The following KCNQ5 variants were observed in gnomAD, a reference collection of about 807,000 sequenced individuals.
The protein encoded by KCNQ5 is potassium voltage-gated channel subfamily KQT member 5.
KCNQ5 carries 30 observed loss-of-function variants against 98.2 expected under a neutral mutation model. The observed-to-expected ratio is 0.31, with a 90% confidence interval of 0.23 to 0.41. KCNQ5 has a LOEUF of 0.41. KCNQ5 is among the 10% of genes least tolerant of loss of function. KCNQ5 has a pLI of 1.00. For synonymous variants in KCNQ5, 458 were observed against 449.4 expected (o/e 1.02, Z -0.24); for missense variants, 835 against 1,182.5 (o/e 0.71, Z 4.31).
intron 1 of KCNQ5, among the ~76,000 whole-genome samples, chr6:72,897,536 C>CCT (rs1178527528): frequency 3.3e-5 from 5 of 151,966 alleles, no homozygotes; most frequent in African/African-American, 1.2e-4. Context: ...AGTCAGACTC[C>CCT]CTCTCAAGAA....
chr6:72,737,187 C>G (rs554306701), intron 1 of KCNQ5, among the ~76,000 whole-genome samples: 1 of 152,258 alleles, frequency 6.6e-6, no homozygotes, highest in South Asian at 2.1e-4. Flanking sequence ...TTTGAACTCC[C>G]GGCCTCAAGT....
At chr6:73,154,502 G>A (rs1353845585) in intron 10 of KCNQ5, among the ~76,000 whole-genome samples, 1 of 152,060 alleles carries the variant, frequency 6.6e-6, no homozygotes, top group African/African-American at 2.4e-5. Flanking sequence ...AACTAAGTCT[G>A]GATTGCCTTC....
chr6:72,972,457 T>C (rs1158966920), intron 1 of KCNQ5, among the ~76,000 whole-genome samples: 1 of 152,128 alleles, frequency 6.6e-6, no homozygotes. Flanking sequence ...GGTGGTTTGC[T>C]GCATCTATTG....
chr6:72,841,932 A>G (rs956035678), intron 1 of KCNQ5, among the ~76,000 whole-genome samples: 1 of 152,208 alleles, frequency 6.6e-6, no homozygotes, highest in Non-Finnish European at 1.5e-5. Flanking sequence ...TTAGAAGACT[A>G]TGAATCTTGG....
At position 72,687,465 on chromosome 6, in the gene KCNQ5, G is replaced by A. The variant is rs916360382; in HGVS notation, c.398+64878G>A. Among the ~76,000 whole-genome samples, 18 of 152,292 alleles carry A rather than the reference G, an allele frequency of 1.2e-4. No homozygotes were observed. In the East Asian group the frequency reaches 3.3e-3, roughly 28 times the overall value. ...GAGAACCGTAGGCCCTGCCTTCAAG[G>A]AGCACATGGCTAGTGGAAACAGACA... On this transcript the variant is annotated intron_variant, in intron 1 of 13. Coordinates refer to ENST00000370398, the MANE Select transcript of KCNQ5 (RefSeq NM_019842.4).
intron 1 of KCNQ5, among the ~76,000 whole-genome samples, chr6:72,727,388 A>G (rs1770338043): frequency 6.6e-6 from 1 of 152,212 alleles, no homozygotes; most frequent in Admixed American, 6.5e-5. Flanking sequence ...TAATATCTAA[A>G]CATTATTCTT....
At chr6:73,093,273 G>C (rs1305749931) in intron 5 of KCNQ5, among the ~76,000 whole-genome samples, 1 of 151,828 alleles carries the variant, frequency 6.6e-6, no homozygotes, top group Non-Finnish European at 1.5e-5. Flanking sequence ...ATTTCTTCTT[G>C]AGCTAATTTG....
rs372989351 is a variant in KCNQ5, at chr6:73,041,972, A to G, written c.526A>G (p.Ile176Val). 8.1e-6 allele frequency: 13 copies of G among 1,613,910 alleles called. No homozygotes were observed. The African/African-American group carries it at 9.3e-5, about 12-fold the overall frequency. ...GATTGTCGTCTTTGGTTTGGAGTTCATCATTCGAATCTGGTCTGCGGGTTG... is the reference window on the plus strand; with the variant it reads ...GATTGTCGTCTTTGGTTTGGAGTTCGTCATTCGAATCTGGTCTGCGGGTTG... Reference protein sequence around the residue: ...VMIVVFGLEFIIRIWSAGCCC... With the variant: ...VMIVVFGLEFVIRIWSAGCCC... Residue 176 changes from isoleucine to valine, a missense_variant, in exon 3 of 14, where the codon ATC (isoleucine) becomes GTC (valine). This residue lies in a region of KCNQ5 where 48 missense variants were observed against 112.1 expected (regional missense o/e 0.43). Coordinates refer to ENST00000370398, the MANE Select transcript of KCNQ5 (RefSeq NM_019842.4).
intron 3 of KCNQ5, among the ~76,000 whole-genome samples, chr6:73,059,211 C>T (rs1772666466): frequency 6.6e-6 from 1 of 152,198 alleles, no homozygotes; most frequent in Non-Finnish European, 1.5e-5. Flanking sequence ...GGTACATATA[C>T]ACCATAAATA....
At chr6:72,874,633 C>T (rs1255917661) in intron 1 of KCNQ5, among the ~76,000 whole-genome samples, 2 of 152,014 alleles carry the variant, frequency 1.3e-5, no homozygotes, top group Non-Finnish European at 2.9e-5. Flanking sequence ...ATAATAATAA[C>T]AGCTACATTT....
intron 1 of KCNQ5, among the ~76,000 whole-genome samples, chr6:72,639,940 AG>A (rs2098926301): frequency 6.6e-6 from 1 of 152,094 alleles, no homozygotes; most frequent in Non-Finnish European, 1.5e-5. Context: ...GGTAAATAAA[AG>A]TTTAGGTTGG....
At chr6:72,839,844 A>G (rs528104964) in intron 1 of KCNQ5, among the ~76,000 whole-genome samples, 163 of 152,344 alleles carry the variant, frequency 1.1e-3, no homozygotes, top group African/African-American at 3.7e-3. Flanking sequence ...TATATAATAC[A>G]ACACATTATT....
chr6:72,722,675 C>T (rs1770032623), intron 1 of KCNQ5, among the ~76,000 whole-genome samples: 1 of 151,976 alleles, frequency 6.6e-6, no homozygotes, highest in Non-Finnish European at 1.5e-5. Context: ...CGGCATAGCT[C>T]GGATTATTGT....
At chr6:72,766,501 T>A (rs1238547385) in intron 1 of KCNQ5, among the ~76,000 whole-genome samples, 2 of 151,902 alleles carry the variant, frequency 1.3e-5, no homozygotes, top group Non-Finnish European at 2.9e-5. Flanking sequence ...CAGAAGAACC[T>A]ATTTGGAGAC....
At chr6:73,150,579 A>G (rs1252091771) in intron 10 of KCNQ5, among the ~76,000 whole-genome samples, 2 of 149,480 alleles carry the variant, frequency 1.3e-5, no homozygotes, top group African/African-American at 4.9e-5. Context: ...TGTATGTGCC[A>G]CAATTTGTTT....
intron 1 of KCNQ5, among the ~76,000 whole-genome samples, chr6:72,734,488 AT>A (rs1409479229): frequency 5.9e-5 from 9 of 151,914 alleles, no homozygotes; most frequent in Non-Finnish European, 8.8e-5. Flanking sequence ...CACCTGGCTA[AT>A]TTTTGTATTT....
At chr6:72,916,504 C>A (rs1477690164) in intron 1 of KCNQ5, among the ~76,000 whole-genome samples, 2 of 152,174 alleles carry the variant, frequency 1.3e-5, no homozygotes, top group Non-Finnish European at 2.9e-5. Flanking sequence ...CTTCACTCCC[C>A]CTTACAAACA....
intron 1 of KCNQ5, among the ~76,000 whole-genome samples, chr6:72,836,500 A>G (rs1776509551): frequency 6.6e-6 from 1 of 152,130 alleles, no homozygotes; most frequent in Non-Finnish European, 1.5e-5. Context: ...ATACAGTGGC[A>G]TGATTGTAGC....
chr6:73,025,880 C>T (rs1770858470), intron 2 of KCNQ5, among the ~76,000 whole-genome samples: 3 of 152,094 alleles, frequency 2.0e-5, no homozygotes, highest in Admixed American at 2.0e-4. Flanking sequence ...TGGCACTTGG[C>T]AGTGAGCAGA....
Sources: gnomAD v4.1 joint callset for allele counts (sites outside exome capture counted in the v4.1 genomes callset) on GRCh38, gnomAD v4.1.1 for gene constraint, gnomAD v4.1.1 regional missense constraint, MANE v1.5 for transcripts, NCBI Gene and HGNC (gene_info 2026-07-23, HGNC 2026-07-21) for gene names.